LRRTM3: variants seen among roughly 807,000 people sequenced by gnomAD.
The protein encoded by LRRTM3 is leucine rich repeat transmembrane neuronal 3.
In LRRTM3, 24 loss-of-function variants were observed where a neutral mutation model predicts 44.7. The observed-to-expected ratio is 0.54, with a 90% CI of 0.39 to 0.76. LRRTM3 has a LOEUF of 0.76. LRRTM3 is among the 30% of genes least tolerant of loss of function. The pLI is 0.00. For synonymous variants in LRRTM3, 277 were observed against 278.7 expected (o/e 0.99, Z 0.06); for missense variants, 587 against 702.2 (o/e 0.84, Z 1.85).
chr10:67,067,197 T>A (rs752709974), intron 2 of LRRTM3, among the ~76,000 whole-genome samples: 1 of 152,140 alleles, frequency 6.6e-6, no homozygotes, highest in Non-Finnish European at 1.5e-5. Context: ...TATGGAGAAA[T>A]ATACCACAGA....
At chr10:67,002,726 G>A (rs1048633285) in intron 2 of LRRTM3, among the ~76,000 whole-genome samples, 5 of 151,778 alleles carry the variant, frequency 3.3e-5, no homozygotes, top group African/African-American at 4.8e-5. Flanking sequence ...AAGTTACCAA[G>A]CAGAATTTTT....
At chr10:66,996,836 T>C (rs1370257226) in intron 2 of LRRTM3, among the ~76,000 whole-genome samples, 1 of 152,052 alleles carries the variant, frequency 6.6e-6, no homozygotes, top group Non-Finnish European at 1.5e-5. Context: ...TTAAACACAG[T>C]AATTCTAAAC....
At chr10:66,943,824 C>T (rs1848146566) in intron 2 of LRRTM3, among the ~76,000 whole-genome samples, 1 of 152,272 alleles carries the variant, frequency 6.6e-6, no homozygotes, top group South Asian at 2.1e-4. Context: ...TATGTTTATG[C>T]TGTACTGTAG....
intron 2 of LRRTM3, among the ~76,000 whole-genome samples, chr10:67,059,287 ACAT>A (rs764401932): frequency 5.4e-4 from 82 of 152,326 alleles, no homozygotes; most frequent in Middle Eastern, 6.8e-3. Context: ...AAATGAATTG[ACAT>A]CATGTTAGTG....
chr10:66,969,704 T>C (rs1849617248), intron 2 of LRRTM3, among the ~76,000 whole-genome samples: 1 of 152,180 alleles, frequency 6.6e-6, no homozygotes, highest in Non-Finnish European at 1.5e-5. Context: ...AAAGCTGATA[T>C]ACTTCAAACT....
intron 2 of LRRTM3, chr10:67,054,945 T>A (rs2133199340): frequency 6.6e-6 from 1 of 152,288 alleles, no homozygotes; most frequent in South Asian, 2.1e-4. Context: ...CTAACATATA[T>A]GCCAACCCCC....
intron 2 of LRRTM3, among the ~76,000 whole-genome samples, chr10:66,968,190 C>T (rs986505354): frequency 6.6e-6 from 1 of 151,934 alleles, no homozygotes; most frequent in South Asian, 2.1e-4. Flanking sequence ...CCATCTCTAC[C>T]ATCATCAAAT....
intron 2 of LRRTM3, among the ~76,000 whole-genome samples, chr10:67,008,790 C>G (rs942710650): frequency 2.6e-5 from 4 of 152,160 alleles, no homozygotes; most frequent in African/African-American, 9.7e-5. Flanking sequence ...CAAAATAAGA[C>G]AGAAGGCCCC....
At chr10:67,008,777 C>G (rs894584240) in intron 2 of LRRTM3, among the ~76,000 whole-genome samples, 11 of 152,176 alleles carry the variant, frequency 7.2e-5, no homozygotes, top group African/African-American at 2.7e-4. Context: ...GGATTCAAAA[C>G]AGCAAAATAA....
intron 2 of LRRTM3, among the ~76,000 whole-genome samples, chr10:66,941,383 A>G (rs1201200694): frequency 6.6e-6 from 1 of 152,248 alleles, no homozygotes; most frequent in East Asian, 1.9e-4. Flanking sequence ...AAGGATAGAA[A>G]TAATTTGCAA....
At chr10:67,005,682 C>T (rs1223786553) in intron 2 of LRRTM3, among the ~76,000 whole-genome samples, 96 of 61,966 alleles carry the variant, frequency 1.5e-3, no homozygotes, top group South Asian at 3.0e-3. Context: ...TTTACTCCAT[C>T]TTTTTTTTTT....
intron 2 of LRRTM3, among the ~76,000 whole-genome samples, chr10:66,993,385 C>T (rs1418127967): frequency 6.6e-6 from 1 of 152,166 alleles, no homozygotes; most frequent in Non-Finnish European, 1.5e-5. Context: ...AAGTAGACTG[C>T]ACCTCTTGAT....
chr10:67,072,929 C>A (rs1198877141), intron 2 of LRRTM3, among the ~76,000 whole-genome samples: 1 of 111,644 alleles, frequency 9.0e-6, no homozygotes, highest in Non-Finnish European at 1.8e-5. Flanking sequence ...AGCAAACATC[C>A]CTTGGAGAAA....
chr10:67,079,127 A>T (rs1022255373), intron 2 of LRRTM3, among the ~76,000 whole-genome samples: 3 of 152,254 alleles, frequency 2.0e-5, no homozygotes, highest in African/African-American at 7.2e-5. Context: ...AGTTTCAGAG[A>T]CAAGATTTGC....
chr10:67,007,657 T>C (rs1852078670), intron 2 of LRRTM3, among the ~76,000 whole-genome samples: 1 of 152,018 alleles, frequency 6.6e-6, no homozygotes, highest in South Asian at 2.1e-4. Context: ...TGTTACAGCC[T>C]TCAAAGACCA....
chr10:66,945,483 G>C (rs888217441), intron 2 of LRRTM3, among the ~76,000 whole-genome samples: 1 of 152,136 alleles, frequency 6.6e-6, no homozygotes, highest in Admixed American at 6.6e-5. Flanking sequence ...TTGACTTAAA[G>C]GGAATGTTGT....
chr10:66,931,464 G>T (rs963182760), intron 2 of LRRTM3, among the ~76,000 whole-genome samples: 5 of 152,150 alleles, frequency 3.3e-5, no homozygotes. Flanking sequence ...TCTTTTCAAA[G>T]AATTTAAACA....
intron 2 of LRRTM3, among the ~76,000 whole-genome samples, chr10:67,010,240 G>C (rs1375687390): frequency 6.6e-6 from 1 of 152,072 alleles, no homozygotes; most frequent in Admixed American, 6.6e-5. Flanking sequence ...TATAGTTATA[G>C]CAACTAACAT....
rs74141778 is a variant in LRRTM3 at position 67,056,017 on chromosome 10, T to A, written c.1537-41570T>A. On this transcript the variant is annotated intron_variant, in intron 2 of 2. Coordinates refer to ENST00000361320, the MANE Select transcript of LRRTM3 (RefSeq NM_178011.5). ...TCACCTCTTATGTTCTTTTGCCACA[T>A]GTAATATATGTATATTATATTGTTG... Among the ~76,000 whole-genome samples, 37 of 152,228 alleles carry A rather than the reference T, an allele frequency of 2.4e-4. No individual in the cohort carries two copies. In the East Asian group the frequency reaches 6.9e-3, roughly 29 times the overall value.
Sources: gnomAD v4.1 joint callset for allele counts (sites outside exome capture counted in the v4.1 genomes callset) on GRCh38, gnomAD v4.1.1 for gene constraint, MANE v1.5 for transcripts, NCBI Gene and HGNC (gene_info 2026-07-23, HGNC 2026-07-21) for gene names.